Variants in B4GALT5 observed in about 807,000 individuals in gnomAD.
B4GALT5 encodes the protein beta-1,4-galactosyltransferase 5, also known as UDP-Gal:beta-GlcNAc beta-1,4-galactosyltransferase 5.
Under a neutral mutation model 45.0 loss-of-function variants are expected in B4GALT5, and 11 were observed. The ratio of observed to expected loss-of-function variants is 0.24; its 90% CI spans 0.15 to 0.40. B4GALT5 has a LOEUF of 0.40. Ranked by LOEUF, B4GALT5 falls within the 10% of genes least tolerant of loss-of-function variation. The probability of loss-of-function intolerance (pLI) is 1.00; values close to 1 mark genes in which losing one functional copy is unlikely to be tolerated. For synonymous variants in B4GALT5, 185 were observed against 182.9 expected (o/e 1.01, Z -0.09); for missense variants, 337 against 500.2 (o/e 0.67, Z 3.11).
Position 49,636,041 on chromosome 20 carries a change from GA to G in B4GALT5, c.*270del. The G allele has an allele frequency of 2.3e-6, 1 of 431,246 alleles. No individual in the cohort carries two copies. The highest frequency in any genetic ancestry group is 4.3e-6 in the Non-Finnish European group (1 of 232,456). 26.7% of individuals were successfully genotyped at this position (431,246 alleles called of 1,614,324 possible). On this transcript the variant is annotated 3_prime_UTR_variant, in exon 9 of 9. Coordinates refer to ENST00000371711, the MANE Select transcript of B4GALT5 (RefSeq NM_004776.4). The stretch of plus-strand genomic sequence containing the variant: ...GACAGGATGTGGGGTAGGAGATGGG[GA>G]GAGAGCAGCGGGACAGACGTCTGTC...
intron 3 of B4GALT5, among the ~76,000 whole-genome samples, chr20:49,644,057 A>G (rs1326588756): frequency 1.3e-5 from 2 of 149,666 alleles, no homozygotes; most frequent in African/African-American, 4.9e-5. Flanking sequence ...CCTCCTGAGT[A>G]GCTGCGGTTA....
At chr20:49,665,473 A>G (rs1423108924) in intron 1 of B4GALT5, among the ~76,000 whole-genome samples, 3 of 147,250 alleles carry the variant, frequency 2.0e-5, no homozygotes, top group African/African-American at 7.5e-5. Context: ...AATAATAATA[A>G]TAATAATAAT....
chr20:49,713,333 G>C (rs572370737), intron 1 of B4GALT5, among the ~76,000 whole-genome samples: 1 of 151,870 alleles, frequency 6.6e-6, no homozygotes, highest in African/African-American at 2.4e-5. Flanking sequence ...GGTTCGCGAG[G>C]GTGGCGTTAG....
At chr20:49,681,582 C>T (rs762059353) in intron 1 of B4GALT5, among the ~76,000 whole-genome samples, 6 of 152,178 alleles carry the variant, frequency 3.9e-5, no homozygotes, top group Non-Finnish European at 7.3e-5. Context: ...CCAACAGCCT[C>T]CCTGCCATCT....
intron 1 of B4GALT5, among the ~76,000 whole-genome samples, chr20:49,658,928 T>A (rs1255355572): frequency 6.6e-6 from 1 of 152,228 alleles, no homozygotes; most frequent in East Asian, 1.9e-4. Flanking sequence ...CTGCATTTAA[T>A]CCTCATAATT....
At chr20:49,645,919 G>A (rs6125698) in intron 3 of B4GALT5, among the ~76,000 whole-genome samples, 2,433 of 151,818 alleles carry the variant, frequency 0.016, 37 homozygotes, top group East Asian at 0.083. Context: ...GTAGTGGCAC[G>A]ATCATGGCAC....
rs1601246304 is a variant in B4GALT5 at position 49,642,565 on chromosome 20, A to G, written c.509T>C (p.Phe170Ser). The part of the protein sequence containing the change: ...PRWKVAILIP[F>S]RNRHEHLPVL... ...TGGGAGGTGCTCGTGGCGGTTCCGGAAGGGGATAAGGATCGCCACCTGGAG... is the reference window on the plus strand; with the variant it reads ...TGGGAGGTGCTCGTGGCGGTTCCGGGAGGGGATAAGGATCGCCACCTGGAG... Residue 170 changes from phenylalanine to serine, a missense_variant, in exon 5 of 9, where the codon TTC (phenylalanine) becomes TCC (serine). By Grantham distance (155) the Phe-to-Ser change is radical (BLOSUM62 -2). This residue lies in a region of B4GALT5 where 163 missense variants were observed against 292.8 expected (regional missense o/e 0.56). Transcript: ENST00000371711. 1 of 1,613,890 alleles carries G rather than the reference A, an allele frequency of 6.2e-7. No individual in the cohort carries two copies. The highest frequency in any genetic ancestry group is 8.5e-7 in the Non-Finnish European group (1 of 1,179,852).
intron 1 of B4GALT5, among the ~76,000 whole-genome samples, chr20:49,659,943 C>A (rs545241619): frequency 6.6e-6 from 1 of 151,978 alleles, no homozygotes; most frequent in Non-Finnish European, 1.5e-5. Flanking sequence ...CCATGCCTGG[C>A]TAATTTTTGT....
intron 1 of B4GALT5, among the ~76,000 whole-genome samples, chr20:49,669,335 G>A (rs1174982853): frequency 1.3e-5 from 2 of 152,140 alleles, no homozygotes; most frequent in Non-Finnish European, 2.9e-5. Context: ...AGCTCCTTAA[G>A]AGTACAGACA....
intron 1 of B4GALT5, among the ~76,000 whole-genome samples, chr20:49,694,510 G>A (rs2085829589): frequency 6.6e-6 from 1 of 151,890 alleles, no homozygotes; most frequent in Non-Finnish European, 1.5e-5. Flanking sequence ...TTAAAAAGTA[G>A]CTACTGGTCC....
intron 1 of B4GALT5, among the ~76,000 whole-genome samples, chr20:49,666,868 A>C (rs1187815211): frequency 3.3e-5 from 5 of 152,246 alleles, no homozygotes; most frequent in African/African-American, 1.2e-4. Context: ...ACTGCTCTGC[A>C]CAACAGGTAA....
rs1211452010 is a variant in B4GALT5, at chr20:49,663,693, ATATACAT to A, written c.116-6998_116-6992del. ...ATCTCAAGAAAAAAAAAAAAAAAAT[ATATACAT>A]ATATATATATATATATATATATATA... On this transcript the variant is annotated intron_variant, in intron 1 of 8. Coordinates refer to ENST00000371711, the MANE Select transcript of B4GALT5 (RefSeq NM_004776.4). 1.2e-3 allele frequency among the ~76,000 whole-genome samples: 62 copies of A among 52,276 alleles called. 2 individuals are homozygous for A. The highest frequency in any genetic ancestry group is 4.1e-3 in the African/African-American group (45 of 10,960). 34.3% of individuals were successfully genotyped at this position (52,276 alleles called of 152,430 possible). A position where few individuals can be genotyped will look rare whatever the true frequency, so the allele number is the denominator to read the frequency against.
intron 5 of B4GALT5, 120 bp downstream of exon 5, chr20:49,642,348 G>A (rs2085580597): frequency 1.3e-6 from 1 of 760,516 alleles, no homozygotes; most frequent in Non-Finnish European, 2.2e-6. Flanking sequence ...CAAACCTCAG[G>A]CAACTCGATC....
chr20:49,701,448 A>C, intron 1 of B4GALT5, among the ~76,000 whole-genome samples: 1 of 148,868 alleles, frequency 6.7e-6, no homozygotes, highest in East Asian at 2.0e-4. Context: ...TCAGCATTTG[A>C]CATCATTTTC....
intron 1 of B4GALT5, among the ~76,000 whole-genome samples, chr20:49,703,730 A>AAAAAAAAAAAAAAT (rs1555814914): frequency 1.4e-5 from 2 of 144,646 alleles, no homozygotes; most frequent in South Asian, 2.1e-4. Flanking sequence ...TTCTACTAAA[A>AAAAAAAAAAAAAAT]AAAAAAAAAA....
intron 1 of B4GALT5, among the ~76,000 whole-genome samples, chr20:49,706,601 T>C (rs991725234): frequency 6.6e-6 from 1 of 152,214 alleles, no homozygotes; most frequent in African/African-American, 2.4e-5. Flanking sequence ...CACAATTTTC[T>C]ACAAAACATA....
At chr20:49,647,478 T>C (rs1423350445) in intron 2 of B4GALT5, among the ~76,000 whole-genome samples, 1 of 152,154 alleles carries the variant, frequency 6.6e-6, no homozygotes, top group Non-Finnish European at 1.5e-5. Flanking sequence ...GGTCGTGATG[T>C]TTCTGTTTTC....
chr20:49,643,951 G>C (rs1207522714), intron 3 of B4GALT5, among the ~76,000 whole-genome samples: 2 of 85,674 alleles, frequency 2.3e-5, no homozygotes, highest in African/African-American at 9.8e-5. Flanking sequence ...TTTTTTTTGA[G>C]ACAGTCTCGC....
chr20:49,656,620 C>T lies in B4GALT5; in HGVS notation c.198G>A (p.Glu66=). 1.2e-6 allele frequency: 2 copies of T among 1,614,206 alleles called. No homozygotes were observed. Among genetic ancestry groups the T allele is most frequent in the Non-Finnish European group, 1.7e-6 (2 of 1,180,034 alleles). The part of the protein sequence containing the change: ...NVRTIGAQVY[E]QVLRSAYAKR... ...TGGCATAAGCACTCCGAAGCACCTG[C>T]TCATAAACCTGAGCACCGATTGTTC... is the stretch of plus-strand genomic sequence containing the variant. The change falls in exon 2 of 9, where the codon GAG becomes GAA. Residue 66 remains glutamate (E), a synonymous_variant. Coordinates refer to ENST00000371711, the MANE Select transcript of B4GALT5 (RefSeq NM_004776.4).
Sources: gnomAD v4.1 joint callset for allele counts (sites outside exome capture counted in the v4.1 genomes callset) on GRCh38, gnomAD v4.1.1 for gene constraint, gnomAD v4.1.1 regional missense constraint, MANE v1.5 for transcripts, NCBI Gene and HGNC (gene_info 2026-07-23, HGNC 2026-07-21) for gene names.